THSD7A: variants seen among roughly 807,000 people sequenced by gnomAD.
THSD7A encodes the protein thrombospondin type-1 domain-containing protein 7A.
Under a neutral mutation model 231.3 loss-of-function variants are expected in THSD7A, and 96 were observed. That is an observed-to-expected ratio of 0.41 (90% confidence interval 0.35 to 0.49). The LOEUF is 0.49. THSD7A is among the 20% of genes least tolerant of loss of function. THSD7A has a pLI of 0.05. For synonymous variants in THSD7A, 940 were observed against 743.3 expected, an observed-to-expected ratio of 1.26 and a Z score of -4.30; for missense variants, 2,290 against 2,070.2, an observed-to-expected ratio of 1.11 and a Z score of -2.06.
At chr7:11,399,429 T>A (rs1229770166) in intron 23 of THSD7A, among the ~76,000 whole-genome samples, 8 of 151,086 alleles carry the variant, frequency 5.3e-5, no homozygotes, top group African/African-American at 2.0e-4. Flanking sequence ...TTTGTCAGTT[T>A]GCTCTAAAAA....
At chr7:11,660,015 T>G (rs949687835) in intron 1 of THSD7A, among the ~76,000 whole-genome samples, 1 of 151,632 alleles carries the variant, frequency 6.6e-6, no homozygotes. Context: ...TTTACATGTG[T>G]ATTAAAAATT....
chr7:11,469,327 G>A (rs1006302165), intron 9 of THSD7A, among the ~76,000 whole-genome samples: 9 of 152,092 alleles, frequency 5.9e-5, no homozygotes, highest in Admixed American at 3.9e-4. Flanking sequence ...TGATACTAAC[G>A]AGTCTTTGTC....
intron 1 of THSD7A, among the ~76,000 whole-genome samples, chr7:11,821,562 G>T (rs989359861): frequency 6.6e-6 from 1 of 151,998 alleles, no homozygotes; most frequent in Non-Finnish European, 1.5e-5. Context: ...CAGATAATTT[G>T]CTTGATTTCT....
intron 2 of THSD7A, among the ~76,000 whole-genome samples, chr7:11,604,977 C>T (rs1373335526): frequency 1.3e-5 from 2 of 151,974 alleles, no homozygotes; most frequent in African/African-American, 4.8e-5. Flanking sequence ...ACTGCTGCAT[C>T]ATACACACAT....
chr7:11,405,715 C>T (rs1229097646), intron 22 of THSD7A, among the ~76,000 whole-genome samples: 1 of 152,176 alleles, frequency 6.6e-6, no homozygotes, highest in African/African-American at 2.4e-5. Context: ...AACACTGAAT[C>T]TGAATAATAT....
intron 1 of THSD7A, among the ~76,000 whole-genome samples, chr7:11,772,910 C>T (rs958856743): frequency 5.3e-5 from 8 of 152,030 alleles, no homozygotes; most frequent in Non-Finnish European, 8.8e-5. Flanking sequence ...AATCCAACAA[C>T]AGTCAAGATA....
rs762991051 is a variant in THSD7A at position 11,375,904 on chromosome 7, A to G, written c.4890-26T>C. 6.2e-6 allele frequency: 10 copies of G among 1,602,122 alleles called. No individual in the cohort carries two copies. The South Asian group carries it at 1.0e-4, about 16-fold the overall frequency. On this transcript the variant is annotated intron_variant, in intron 27 of 27. Transcript: ENST00000423059. ...CTGTAAAAAAATTCGGAATTAGGAG[A>G]AAGAAAATCAGTTTCTAATTGTAAA...
chr7:11,829,306 A>G (rs1785121582), intron 1 of THSD7A, among the ~76,000 whole-genome samples: 1 of 151,824 alleles, frequency 6.6e-6, no homozygotes. Context: ...TATTTATAAT[A>G]TATGTATCTG....
At chr7:11,402,068 C>T in intron 22 of THSD7A, 100 bp from the exon 23 acceptor site, 2 of 902,940 alleles carry the variant, frequency 2.2e-6, no homozygotes, top group Non-Finnish European at 3.4e-6. Flanking sequence ...TTTCTGGTAT[C>T]CCAGGCACAC....
At chr7:11,534,099 A>G (rs1788817739) in intron 6 of THSD7A, among the ~76,000 whole-genome samples, 1 of 152,210 alleles carries the variant, frequency 6.6e-6, no homozygotes, top group African/African-American at 2.4e-5. Context: ...AAATCATGAG[A>G]TAGTAAACTT....
At chr7:11,777,635 T>C (rs1783457494) in intron 1 of THSD7A, among the ~76,000 whole-genome samples, 1 of 152,316 alleles carries the variant, frequency 6.6e-6, no homozygotes, top group Non-Finnish European at 1.5e-5. Flanking sequence ...GAATTCCTAT[T>C]GTTTGTCTAA....
intron 23 of THSD7A, among the ~76,000 whole-genome samples, chr7:11,392,773 T>A (rs1783035219): frequency 6.6e-6 from 1 of 152,210 alleles, no homozygotes; most frequent in Non-Finnish European, 1.5e-5. Context: ...CTGGGAAGTT[T>A]GAACTGGGCA....
intron 2 of THSD7A, among the ~76,000 whole-genome samples, chr7:11,595,289 G>C (rs1221663039): frequency 6.6e-6 from 1 of 152,142 alleles, no homozygotes; most frequent in African/African-American, 2.4e-5. Context: ...AGAACTGCTT[G>C]AATTCTCTAA....
At chr7:11,821,516 C>T (rs1379682592) in intron 1 of THSD7A, among the ~76,000 whole-genome samples, 1 of 151,412 alleles carries the variant, frequency 6.6e-6, no homozygotes, top group Non-Finnish European at 1.5e-5. Context: ...GAAGTGTTCA[C>T]CTCAAAAGAA....
rs1242521537 is a variant in THSD7A at position 11,637,281 on chromosome 7, AT to A, written c.191-321del. Among the ~76,000 whole-genome samples, 1 of 152,178 alleles carries A rather than the reference AT, an allele frequency of 6.6e-6. No homozygotes were observed. Among genetic ancestry groups the A allele is most frequent in the Non-Finnish European group, 1.5e-5 (1 of 68,034 alleles). On this transcript the variant is annotated intron_variant, in intron 1 of 27. Coordinates refer to ENST00000423059, the MANE Select transcript of THSD7A (RefSeq NM_015204.3). The surrounding 1 kb of genome is among the most constrained non-coding windows in gnomAD (Gnocchi z 4.2). ...TCCTTGCTGATAAAGGACATCAGAA[AT>A]TAGTCACAGTGAAAACTCATTACTC... is the stretch of plus-strand genomic sequence containing the variant.
intron 6 of THSD7A, among the ~76,000 whole-genome samples, chr7:11,512,815 T>C (rs920835423): frequency 2.7e-5 from 4 of 146,028 alleles, no homozygotes; most frequent in Non-Finnish European, 6.0e-5. Flanking sequence ...CATTAGGAGA[T>C]ATACCTAATG....
At chr7:11,649,009 A>G (rs1433976560) in intron 1 of THSD7A, among the ~76,000 whole-genome samples, 1 of 151,980 alleles carries the variant, frequency 6.6e-6, no homozygotes, top group Admixed American at 6.6e-5. Context: ...ATGCCTTTTT[A>G]TAGTGCTCTC....
intron 1 of THSD7A, among the ~76,000 whole-genome samples, chr7:11,736,416 G>A (rs551628738): frequency 1.4e-3 from 212 of 151,856 alleles, no homozygotes; most frequent in Non-Finnish European, 2.6e-3. Flanking sequence ...AGCCATGGTG[G>A]TGCCACTGCA....
rs186916008 is a variant in THSD7A at position 11,658,100 on chromosome 7, C to T, written c.191-21139G>A. Among the ~76,000 whole-genome samples, 232 of 151,678 alleles carry T rather than the reference C, an allele frequency of 1.5e-3. 2 individuals are homozygous for T. Among genetic ancestry groups the T allele is most frequent in the African/African-American group, 5.3e-3 (218 of 41,456 alleles). On this transcript the variant is annotated intron_variant, in intron 1 of 27. Coordinates refer to ENST00000423059, the MANE Select transcript of THSD7A (RefSeq NM_015204.3). ...CATAAAAAATGCATCCATCACCGGG[C>T]TAATTAGTGAGAAAAATGAACACAT...
Sources: allele counts gnomAD v4.1 joint callset (sites outside exome capture counted in the v4.1 genomes callset), GRCh38; gene constraint gnomAD v4.1.1; non-coding constraint Gnocchi (gnomAD v3.1); transcripts MANE v1.5; gene names NCBI Gene and HGNC (gene_info 2026-07-23, HGNC 2026-07-21).